Variants in ADGRB3 observed in about 807,000 individuals in gnomAD.
ADGRB3 encodes the protein adhesion G protein-coupled receptor B3, also known as brain-specific angiogenesis inhibitor 3.
A neutral mutation model predicts 193.4 loss-of-function variants in ADGRB3; 37 were observed. The observed-to-expected ratio is 0.19, with a 90% CI of 0.15 to 0.25. The LOEUF (loss-of-function observed/expected upper bound fraction) is 0.25, where lower values mean the gene tolerates loss of function less well. ADGRB3 is among the 10% of genes least tolerant of loss of function. The pLI, the probability that ADGRB3 is intolerant of heterozygous loss-of-function variation, is 1.00. For synonymous variants in ADGRB3, 690 were observed against 644.2 expected (o/e 1.07, Z -1.08); for missense variants, 1,637 against 1,852.9 (o/e 0.88, Z 2.14).
intron 20 of ADGRB3, among the ~76,000 whole-genome samples, chr6:69,264,577 G>A (rs1935277080): frequency 6.7e-6 from 1 of 149,916 alleles, no homozygotes; most frequent in African/African-American, 2.5e-5. Flanking sequence ...AGCTATTATA[G>A]TGCTGCACAT....
At chr6:69,294,769 G>T (rs374616982) in intron 20 of ADGRB3, among the ~76,000 whole-genome samples, 43 of 151,874 alleles carry the variant, frequency 2.8e-4, no homozygotes, top group South Asian at 8.3e-4. Context: ...TGTTTTTTTT[G>T]TTGTTGTTGT....
chr6:69,297,256 A>T (rs1465137560), intron 20 of ADGRB3, among the ~76,000 whole-genome samples: 1 of 151,904 alleles, frequency 6.6e-6, no homozygotes, highest in African/African-American at 2.4e-5. Context: ...ATGCTAAGGG[A>T]TTCCACTATG....
chr6:68,687,688 T>C (rs1042188517), intron 3 of ADGRB3, among the ~76,000 whole-genome samples: 1 of 152,190 alleles, frequency 6.6e-6, no homozygotes, highest in Non-Finnish European at 1.5e-5. Flanking sequence ...GTATTTATTA[T>C]GTACCATTCA....
At chr6:69,344,847 C>G (rs1213750293) in intron 26 of ADGRB3, among the ~76,000 whole-genome samples, 1 of 152,088 alleles carries the variant, frequency 6.6e-6, no homozygotes, top group Non-Finnish European at 1.5e-5. Flanking sequence ...GTGAAGGTTT[C>G]TGGTAGAGGA....
chr6:69,176,557 T>C (rs1231836566), intron 17 of ADGRB3, among the ~76,000 whole-genome samples: 5 of 152,152 alleles, frequency 3.3e-5, no homozygotes, highest in Non-Finnish European at 7.4e-5. Flanking sequence ...AGAATTTTTG[T>C]GTGTGTGTCC....
intron 20 of ADGRB3, among the ~76,000 whole-genome samples, chr6:69,292,503 T>C (rs1469254930): frequency 1.3e-5 from 2 of 152,180 alleles, no homozygotes. Flanking sequence ...TTTGTTGATA[T>C]ATTTGTTTTA....
chr6:69,219,580 G>A (rs1402361398), intron 17 of ADGRB3, among the ~76,000 whole-genome samples: 2 of 149,570 alleles, frequency 1.3e-5, no homozygotes, highest in Non-Finnish European at 3.0e-5. Flanking sequence ...AAACAGAGCT[G>A]AAGGACACAA....
intron 3 of ADGRB3, among the ~76,000 whole-genome samples, chr6:68,783,657 G>C (rs1007774950): frequency 7.2e-5 from 11 of 151,764 alleles, no homozygotes; most frequent in Non-Finnish European, 1.2e-4. Context: ...GAAAAGCCTA[G>C]GAAGACAATC....
At chr6:69,348,472 C>A (rs907830766) in intron 26 of ADGRB3, among the ~76,000 whole-genome samples, 24 of 148,276 alleles carry the variant, frequency 1.6e-4, no homozygotes, top group African/African-American at 5.3e-4. Flanking sequence ...CATGGTGAAA[C>A]CCTGTCTTTA....
intron 17 of ADGRB3, among the ~76,000 whole-genome samples, chr6:69,126,321 C>G (rs1364149211): frequency 2.6e-5 from 4 of 152,038 alleles, no homozygotes; most frequent in East Asian, 1.9e-4. Flanking sequence ...GGGGAATTGG[C>G]TCACACAATA....
At chr6:69,242,026 A>G (rs865870759) in intron 20 of ADGRB3, among the ~76,000 whole-genome samples, 12 of 151,920 alleles carry the variant, frequency 7.9e-5, no homozygotes, top group Non-Finnish European at 1.6e-4. Flanking sequence ...GTCACTCAAA[A>G]CAATATCACA....
Position 68,876,750 on chromosome 6 carries a change from G to T in ADGRB3, c.758-53809G>T, listed in dbSNP as rs150412769. Among the ~76,000 whole-genome samples, 598 of 152,048 alleles carry T rather than the reference G, an allele frequency of 3.9e-3. 6 individuals are homozygous for T. Among genetic ancestry groups the T allele is most frequent in the African/African-American group, 0.013 (523 of 41,474 alleles). On this transcript the variant is annotated intron_variant, in intron 3 of 31. Coordinates refer to ENST00000370598, the MANE Select transcript of ADGRB3 (RefSeq NM_001704.3). ...TACATTTATGTATTGTCTTTCTCTG[G>T]TTACATCCTAGTCAACTTGATTAGA... is the stretch of plus-strand genomic sequence containing the variant.
At chr6:69,381,274 G>C (rs1181706037) in intron 30 of ADGRB3, among the ~76,000 whole-genome samples, 1 of 151,846 alleles carries the variant, frequency 6.6e-6, no homozygotes, top group Non-Finnish European at 1.5e-5. Context: ...AATCCGTTTT[G>C]TATATTCCCC....
At chr6:68,904,776 G>A (rs1766496621) in intron 3 of ADGRB3, among the ~76,000 whole-genome samples, 1 of 152,076 alleles carries the variant, frequency 6.6e-6, no homozygotes, top group Non-Finnish European at 1.5e-5. Flanking sequence ...GGAATCCATT[G>A]GTTTGATTTT....
intron 3 of ADGRB3, among the ~76,000 whole-genome samples, chr6:68,691,083 G>A (rs1765064733): frequency 6.6e-6 from 1 of 151,764 alleles, no homozygotes; most frequent in African/African-American, 2.4e-5. Flanking sequence ...TTCATTTTTT[G>A]TTACTTCAGG....
In ADGRB3 at chr6:69,388,579, T is replaced by C. The variant is rs1161054258; in HGVS notation, c.4381-124T>C. On this transcript the variant is annotated intron_variant, in intron 31 of 31. Transcript: ENST00000370598. ...CTATTTCCCACAGTTGGCCGTATTT[T>C]CAAGTCATCTCTGCATCACAGAAAC... The C allele has an allele frequency of 6.6e-6, 6 of 904,944 alleles. No homozygotes were observed. The African/African-American group carries it at 1.0e-4, about 15-fold the overall frequency. The allele number at this position is 904,944 out of a possible 1,614,324, so 56.1% of individuals were successfully genotyped here.
chr6:69,356,669 A>G (rs954500630), intron 28 of ADGRB3, among the ~76,000 whole-genome samples: 6 of 152,074 alleles, frequency 3.9e-5, no homozygotes, highest in African/African-American at 1.2e-4. Flanking sequence ...CTGTGCCTCT[A>G]TTTTATCAAG....
At chr6:69,046,239 T>C (rs1771234825) in intron 13 of ADGRB3, among the ~76,000 whole-genome samples, 1 of 152,198 alleles carries the variant, frequency 6.6e-6, no homozygotes, top group Admixed American at 6.5e-5. Context: ...AGAAAATCTT[T>C]ATTTCTTTTC....
At chr6:68,932,844 G>T (rs537172001) in intron 4 of ADGRB3, among the ~76,000 whole-genome samples, 3 of 129,276 alleles carry the variant, frequency 2.3e-5, no homozygotes, top group African/African-American at 7.8e-5. Context: ...TAATCATGGA[G>T]AAAAAAGCAA....
Sources: allele counts gnomAD v4.1 joint callset (sites outside exome capture counted in the v4.1 genomes callset), GRCh38; gene constraint gnomAD v4.1.1; transcripts MANE v1.5; gene names NCBI Gene and HGNC (gene_info 2026-07-23, HGNC 2026-07-21).